Variants in WDR76 observed in about 807,000 individuals in gnomAD.
The protein encoded by WDR76 is WD repeat domain 76, also known as WD repeat-containing protein 76.
A neutral mutation model predicts 70.2 loss-of-function variants in WDR76; 52 were observed. The ratio of observed to expected loss-of-function variants is 0.74; its 90% CI spans 0.59 to 0.93. The LOEUF is 0.93. Ranked by LOEUF, WDR76 falls within the 40% of genes least tolerant of loss-of-function variation. The probability of loss-of-function intolerance (pLI) is 0.00; values close to 1 mark genes in which losing one functional copy is unlikely to be tolerated. For missense variants in WDR76, 756 were observed against 760.2 expected (o/e 0.99, Z 0.07); for synonymous variants, 292 against 271.1 (o/e 1.08, Z -0.76).
chr15:43,833,580 A>G (rs1233252278), intron 2 of WDR76, among the ~76,000 whole-genome samples: 2 of 150,162 alleles, frequency 1.3e-5, no homozygotes, highest in African/African-American at 4.9e-5. Flanking sequence ...CTGCCTCCCA[A>G]AGTGCTGGGA....
intron 12 of WDR76, among the ~76,000 whole-genome samples, chr15:43,863,713 C>T (rs1367265096): frequency 6.6e-6 from 1 of 152,110 alleles, no homozygotes; most frequent in Admixed American, 6.5e-5. Flanking sequence ...ACACACAGAA[C>T]CATGCCCTGC....
chr15:43,843,016 T>TC (rs2087745671), intron 7 of WDR76, among the ~76,000 whole-genome samples: 1 of 146,256 alleles, frequency 6.8e-6, no homozygotes, highest in African/African-American at 2.5e-5. Flanking sequence ...TCTTTTTCTT[T>TC]TTTTTTTTTT....
intron 3 of WDR76, 47 bp downstream of exon 3, chr15:43,835,197 T>A (rs375608951): frequency 8.3e-5 from 130 of 1,558,710 alleles, no homozygotes; most frequent in Admixed American, 2.9e-4. Flanking sequence ...CCGGGAACAG[T>A]GGGTAGCGCC....
chr15:43,846,131 T>G (rs2087785630), intron 8 of WDR76, among the ~76,000 whole-genome samples: 1 of 149,720 alleles, frequency 6.7e-6, no homozygotes, highest in Non-Finnish European at 1.5e-5. Flanking sequence ...GTTAAAAGAA[T>G]GGAGAAAAGG....
chr15:43,827,187 CACCGGGGGTA>C, intron 1 of WDR76, 95 bp downstream of exon 1: 1 of 1,521,720 alleles, frequency 6.6e-7, no homozygotes, highest in Non-Finnish European at 9.1e-7. Context: ...GGGCACCTGG[CACCGGGGGTA>C]GGCGGGGGAT....
chr15:43,849,421 C>T (rs532822137), intron 8 of WDR76, among the ~76,000 whole-genome samples: 13 of 151,790 alleles, frequency 8.6e-5, no homozygotes, highest in Middle Eastern at 3.2e-3. Flanking sequence ...AGAATGATAG[C>T]GAAGAAATTT....
rs1567183092 is a variant in WDR76 at position 43,835,399 on chromosome 15, G to A, written c.552+249G>A. Among the ~76,000 whole-genome samples, 5 of 149,858 alleles carry A rather than the reference G, an allele frequency of 3.3e-5. No homozygotes were observed. In the South Asian group the frequency reaches 8.4e-4, roughly 25 times the overall value. On this transcript the variant is annotated intron_variant, in intron 3 of 12. Transcript: ENST00000263795. ...AGCTACTGGGGTGGCTGAGGTGGAAGGATGGCTTGAGTTTGGAAAGTCAAG... is the reference window on the plus strand; with the variant it reads ...AGCTACTGGGGTGGCTGAGGTGGAAAGATGGCTTGAGTTTGGAAAGTCAAG...
chr15:43,844,926 TAAAAAAAAAAAA>T (rs1163275078), intron 8 of WDR76, among the ~76,000 whole-genome samples: 4 of 15,528 alleles, frequency 2.6e-4, no homozygotes, highest in Admixed American at 2.9e-3. Flanking sequence ...AGACTCTGTG[TAAAAAAAAAAAA>T]AAAAAAAAAA....
chr15:43,860,910 CTTTTTTTTTTT>C (rs34504509), intron 11 of WDR76, among the ~76,000 whole-genome samples: 9 of 79,020 alleles, frequency 1.1e-4, no homozygotes, highest in African/African-American at 2.9e-4. Context: ...TGATCTTACT[CTTTTTTTTTTT>C]TTTTTTTTTT....
chr15:43,861,320 C>T lies in WDR76; in HGVS notation c.1563-13C>T, dbSNP rs1055914206. On this transcript the variant is annotated splice_polypyrimidine_tract_variant and intron_variant, in intron 11 of 12. Transcript: ENST00000263795. ...AAGTAACAAAAGAATGTCTTACTCT[C>T]TTTATTTTGCAGAATTTTTGACAGC... 1.2e-6 allele frequency: 2 copies of T among 1,600,046 alleles called. No individual in the cohort carries two copies. Among genetic ancestry groups the T allele is most frequent in the Non-Finnish European group, 1.7e-6 (2 of 1,169,680 alleles).
At chr15:43,844,876 C>T (rs1252972660) in intron 8 of WDR76, among the ~76,000 whole-genome samples, 4 of 97,538 alleles carry the variant, frequency 4.1e-5, no homozygotes, top group Non-Finnish European at 4.1e-5. Context: ...TGCAGTGAGC[C>T]GAGATCGCAC....
At chr15:43,828,504 A>G (rs2087546707) in intron 2 of WDR76, 138 bp downstream of exon 2, 1 of 762,496 alleles carries the variant, frequency 1.3e-6, no homozygotes, top group South Asian at 2.6e-5. Context: ...GTAATAATAC[A>G]TTTTTATTAT....
Position 43,828,325 on chromosome 15 carries a change from A to G in WDR76, c.421A>G (p.Ser141Gly). 1.2e-6 allele frequency: 2 copies of G among 1,613,994 alleles called. No homozygotes were observed. Among genetic ancestry groups the G allele is most frequent in the Non-Finnish European group, 1.7e-6 (2 of 1,180,032 alleles). The change falls in exon 2 of 13, where the codon AGT becomes GGT. Residue 141 changes from serine (S) to glycine (G), a missense_variant. Ser to Gly is a moderately conservative substitution (Grantham distance 56, BLOSUM62 0). Transcript: ENST00000263795. ...AMNLSVDVES[S>G]QDGDSDEDTT... is the part of the protein sequence containing the mutation. ...GAATCTCAGTGTTGATGTGGAAAGT[A>G]GTCAGGATGGAGACAGTGATGAAGA...
intron 4 of WDR76, among the ~76,000 whole-genome samples, chr15:43,838,243 T>A (rs1036598938): frequency 6.6e-6 from 1 of 152,042 alleles, no homozygotes; most frequent in Non-Finnish European, 1.5e-5. Context: ...TGGAGTACAG[T>A]GGTGTAATCT....
At chr15:43,831,594 A>G (rs2087589151) in intron 2 of WDR76, among the ~76,000 whole-genome samples, 1 of 151,900 alleles carries the variant, frequency 6.6e-6, no homozygotes, top group African/African-American at 2.4e-5. Context: ...GTGTGCCACC[A>G]TGCCTAGCTA....
Position 43,861,374 on chromosome 15 carries a change from T to C in WDR76, c.1604T>C (p.Leu535Pro). 1.2e-6 allele frequency: 2 copies of C among 1,613,954 alleles called. No individual in the cohort carries two copies. Among genetic ancestry groups the C allele is most frequent in the Non-Finnish European group, 1.7e-6 (2 of 1,179,856 alleles). Residue 535 changes from leucine (L) to proline (P), a missense_variant, in exon 12 of 13, where the codon CTC becomes CCC. Transcript: ENST00000263795. ...SSCISSKIPL[L>P]TTIRHNTFTG... ...TGTATATCTTCTAAGATTCCGCTCC[T>C]CACCACCATCAGGTAGGCTTCTATA...
Position 43,866,518 on chromosome 15 carries a change from A to G in WDR76, c.*126A>G. On this transcript the variant is annotated 3_prime_UTR_variant, in exon 13 of 13. Transcript: ENST00000263795. ...TAGCAATTATAACATTGTTTTATTA[A>G]TAAGACTATAAGAAGAGTGTACTTT... 1.8e-6 allele frequency: 2 copies of G among 1,085,496 alleles called. No individual in the cohort carries two copies. The highest frequency in any genetic ancestry group is 2.6e-6 in the Non-Finnish European group (2 of 761,772). 67.2% of individuals were successfully genotyped at this position (1,085,496 alleles called of 1,614,324 possible). A position where few individuals can be genotyped will look rare whatever the true frequency, so the allele number is the denominator to read the frequency against.
At chr15:43,842,582 A>C (rs1309995196) in intron 6 of WDR76, 46 bp from the exon 7 acceptor site, 11 of 1,593,462 alleles carry the variant, frequency 6.9e-6, no homozygotes, top group African/African-American at 1.4e-5. Context: ...ATATGTAAAA[A>C]TATATACATA....
intron 11 of WDR76, 126 bp from the exon 12 acceptor site, chr15:43,861,207 C>A: frequency 2.4e-6 from 2 of 833,350 alleles, no homozygotes; most frequent in Non-Finnish European, 3.9e-6. Context: ...CCTGATCCTA[C>A]ATATTTTTAA....
Sources: allele counts gnomAD v4.1 joint callset (sites outside exome capture counted in the v4.1 genomes callset), GRCh38; gene constraint gnomAD v4.1.1; transcripts MANE v1.5; gene names NCBI Gene and HGNC (gene_info 2026-07-23, HGNC 2026-07-21).